The following MRAP2 variants were observed in gnomAD, a reference collection of about 807,000 sequenced individuals.
MRAP2 encodes melanocortin-2 receptor accessory protein 2.
A neutral mutation model predicts 17.4 loss-of-function variants in MRAP2; 20 were observed. The observed-to-expected ratio is 1.15, with a 90% confidence interval of 0.81 to 1.67. The LOEUF is 1.67. Ranked by LOEUF, MRAP2 falls within the 40% of genes most tolerant of loss-of-function variation. The probability of loss-of-function intolerance (pLI) is 0.00; values close to 1 mark genes in which losing one functional copy is unlikely to be tolerated. For synonymous variants in MRAP2, 96 were observed against 88.4 expected, an observed-to-expected ratio of 1.09 and a Z score of -0.48; for missense variants, 238 against 240.0, an observed-to-expected ratio of 0.99 and a Z score of 0.05.
intron 1 of MRAP2, among the ~76,000 whole-genome samples, chr6:84,035,726 T>C (rs1347718047): frequency 6.6e-6 from 1 of 152,156 alleles, no homozygotes; most frequent in Non-Finnish European, 1.5e-5. Flanking sequence ...CTGGTCACAG[T>C]GGGGGTCATC....
intron 1 of MRAP2, among the ~76,000 whole-genome samples, chr6:84,042,206 T>C (rs570072434): frequency 2.5e-4 from 38 of 152,308 alleles, no homozygotes; most frequent in African/African-American, 7.9e-4. Flanking sequence ...GAAGGATGTG[T>C]TTGCTTCCCT....
In MRAP2 at chr6:84,089,367, C is replaced by T. The variant is rs759151582; in HGVS notation, c.504C>T (p.Asn168=). The part of the protein sequence containing the change: ...LNRLMKFDIP[N]FVNTDQNYFG... ...GGCTCATGAAGTTTGACATCCCCAA[C>T]TTTGTGAACACAGACCAGAACTACT... Residue 168 remains asparagine, a synonymous_variant, in exon 4 of 4, where the codon AAC becomes AAT. Transcript: ENST00000257776. The T allele has an allele frequency of 2.5e-6, 4 of 1,614,084 alleles. No homozygotes were observed. The highest frequency in any genetic ancestry group is 1.7e-6 in the Non-Finnish European group (2 of 1,180,038).
At chr6:84,044,661 C>G (rs1323120008) in intron 1 of MRAP2, among the ~76,000 whole-genome samples, 1 of 152,222 alleles carries the variant, frequency 6.6e-6, no homozygotes, top group Non-Finnish European at 1.5e-5. Context: ...ATCTCCTCTT[C>G]TTATGAAGAT....
intron 1 of MRAP2, among the ~76,000 whole-genome samples, chr6:84,046,276 GA>G (rs2099489013): frequency 6.6e-6 from 1 of 152,128 alleles, no homozygotes; most frequent in Non-Finnish European, 1.5e-5. Context: ...CCAGGTCCAT[GA>G]AAACTGGCTG....
the MRAP2 span, among the ~76,000 whole-genome samples, chr6:84,109,562 CTGAGA>C: frequency 6.6e-6 from 1 of 151,962 alleles, no homozygotes; most frequent in African/African-American, 2.4e-5. Context: ...AGCTTTTGAG[CTGAGA>C]TGAGGGAGGT....
chr6:84,091,864 T>G (rs1399252385), downstream of MRAP2, among the ~76,000 whole-genome samples: 1 of 152,172 alleles, frequency 6.6e-6, no homozygotes, highest in Non-Finnish European at 1.5e-5. Flanking sequence ...CACATATGCT[T>G]CATGCTCATG....
At chr6:84,063,175 C>A (rs149901031) in intron 3 of MRAP2, 183 bp downstream of exon 3, 1 of 985,326 alleles carries the variant, frequency 1.0e-6, no homozygotes, top group African/African-American at 1.7e-5. Flanking sequence ...TTGTTTCTTG[C>A]GTCTTGGGCT....
At chr6:84,061,724 C>T in intron 2 of MRAP2, 1 of 953,928 alleles carries the variant, frequency 1.0e-6, no homozygotes, top group Non-Finnish European at 1.2e-6. Context: ...ACACAGTGTC[C>T]CCTAGTTTGA....
At chr6:84,125,488 T>G in the MRAP2 span, among the ~76,000 whole-genome samples, 1 of 152,080 alleles carries the variant, frequency 6.6e-6, no homozygotes, top group Non-Finnish European at 1.5e-5. Flanking sequence ...CAAATTCATA[T>G]GTTGAATTTC....
upstream of MRAP2, among the ~76,000 whole-genome samples, chr6:84,033,518 G>T (rs529225533): frequency 6.6e-6 from 1 of 152,282 alleles, no homozygotes; most frequent in East Asian, 1.9e-4. Flanking sequence ...AAGTTGACCC[G>T]AGGGACCCAC....
In MRAP2 at chr6:84,038,975, G is replaced by A. The variant is rs188213358; in HGVS notation, c.-8+5092G>A. On this transcript the variant is annotated intron_variant, in intron 1 of 3. Transcript: ENST00000257776. The stretch of plus-strand genomic sequence containing the variant: ...TGCTAGCTCAGAGTAGGTAACATAT[G>A]CTTGGGTTAAAATTAAGTAGAGTAG... 4.6e-5 allele frequency among the ~76,000 whole-genome samples: 7 copies of A among 152,312 alleles called. No homozygotes were observed. The East Asian group carries it at 1.2e-3, about 25-fold the overall frequency.
chr6:84,114,081 T>G, the MRAP2 span, among the ~76,000 whole-genome samples: 1 of 152,136 alleles, frequency 6.6e-6, no homozygotes, highest in African/African-American at 2.4e-5. Context: ...TTGAGTAGTA[T>G]CTTTGTGGTG....
chr6:84,118,380 A>G, the MRAP2 span, among the ~76,000 whole-genome samples: 1 of 147,572 alleles, frequency 6.8e-6, no homozygotes, highest in Non-Finnish European at 1.5e-5. Flanking sequence ...GTGGTGTCCC[A>G]CCCCTCCCCC....
chr6:84,067,769 G>A (rs984155371), intron 3 of MRAP2, among the ~76,000 whole-genome samples: 18 of 141,926 alleles, frequency 1.3e-4, no homozygotes, highest in Admixed American at 2.2e-4. Context: ...GTTTGAGTTC[G>A]TTGTAGATTC....
intron 1 of MRAP2, among the ~76,000 whole-genome samples, chr6:84,040,508 G>A (rs1234591070): frequency 2.0e-5 from 3 of 152,186 alleles, no homozygotes; most frequent in Non-Finnish European, 4.4e-5. Flanking sequence ...ATGTGGGCAA[G>A]TTTGGAATTT....
intron 3 of MRAP2, among the ~76,000 whole-genome samples, chr6:84,087,350 A>G (rs1033999419): frequency 2.0e-5 from 3 of 152,232 alleles, no homozygotes; most frequent in African/African-American, 7.2e-5. Flanking sequence ...GGAGGCAATC[A>G]GATATGCATT....
At chr6:84,108,984 A>T in the MRAP2 span, among the ~76,000 whole-genome samples, 1 of 152,004 alleles carries the variant, frequency 6.6e-6, no homozygotes, top group South Asian at 2.1e-4. Context: ...ATGGTTGTAG[A>T]TGTGTGGTCC....
At chr6:84,074,173 A>G (rs559613189) in intron 3 of MRAP2, among the ~76,000 whole-genome samples, 1 of 152,306 alleles carries the variant, frequency 6.6e-6, no homozygotes, top group South Asian at 2.1e-4. Context: ...TAAGCGTTAT[A>G]TCTACACTTT....
At chr6:84,060,831 G>A (rs868271182) in intron 2 of MRAP2, among the ~76,000 whole-genome samples, 82 of 149,652 alleles carry the variant, frequency 5.5e-4, no homozygotes, top group Middle Eastern at 6.9e-3. Context: ...GACTACAGGC[G>A]CCTGCCACCA....
Sources: gnomAD v4.1 joint callset for allele counts (sites outside exome capture counted in the v4.1 genomes callset) on GRCh38, gnomAD v4.1.1 for gene constraint, MANE v1.5 for transcripts, NCBI Gene and HGNC (gene_info 2026-07-23, HGNC 2026-07-21) for gene names.